Variants in GLIPR1L1 observed in about 807,000 individuals in gnomAD.
The protein encoded by GLIPR1L1 is GLIPR1-like protein 1.
In GLIPR1L1, 26 loss-of-function variants were observed where a neutral mutation model predicts 29.9. The ratio of observed to expected loss-of-function variants is 0.87; its 90% CI spans 0.64 to 1.21. The LOEUF (loss-of-function observed/expected upper bound fraction) is 1.21. Ranked by LOEUF, GLIPR1L1 falls within the 50% of genes most tolerant of loss-of-function variation. GLIPR1L1 has a pLI of 0.00. For missense variants in GLIPR1L1, 305 were observed against 290.3 expected (o/e 1.05, Z -0.37); for synonymous variants, 77 against 97.5 (o/e 0.79, Z 1.24).
chr12:75,356,793 T>G (rs1382534350), intron 3 of GLIPR1L1, among the ~76,000 whole-genome samples: 1 of 152,200 alleles, frequency 6.6e-6, no homozygotes, highest in Admixed American at 6.5e-5. Context: ...TTATGCTGCC[T>G]ATGAAAAACT....
chr12:75,363,076 C>T (rs2043717965), intron 3 of GLIPR1L1, 26 bp from the exon 4 acceptor site: 1 of 1,257,728 alleles, frequency 8.0e-7, no homozygotes. Context: ...AGCCATTTGG[C>T]TAATCAATGT....
At chr12:75,337,139 A>G (rs2041790452) in intron 1 of GLIPR1L1, among the ~76,000 whole-genome samples, 1 of 151,890 alleles carries the variant, frequency 6.6e-6, no homozygotes, top group Non-Finnish European at 1.5e-5. Flanking sequence ...ATTTAAATGA[A>G]TATTTTAGGA....
At chr12:75,341,951 T>C (rs111704039) in intron 1 of GLIPR1L1, among the ~76,000 whole-genome samples, 1,636 of 152,160 alleles carry the variant, frequency 0.011, 20 homozygotes, top group African/African-American at 0.032. Context: ...TTTCACCCTG[T>C]TGGCCAGGCT....
chr12:75,340,277 T>C (rs1332834724), intron 1 of GLIPR1L1, among the ~76,000 whole-genome samples: 1 of 151,848 alleles, frequency 6.6e-6, no homozygotes, highest in Non-Finnish European at 1.5e-5. Context: ...TGTGCTAGTG[T>C]CTTTTTCAAA....
At chr12:75,364,925 G>A (rs914443817) in intron 4 of GLIPR1L1, 6 of 151,962 alleles carry the variant, frequency 3.9e-5, no homozygotes, top group Non-Finnish European at 2.9e-5. Context: ...AATTCTACAG[G>A]AATCAGCAAA....
At chr12:75,356,369 C>T (rs2043158427) in intron 3 of GLIPR1L1, among the ~76,000 whole-genome samples, 1 of 152,006 alleles carries the variant, frequency 6.6e-6, no homozygotes, top group Non-Finnish European at 1.5e-5. Context: ...ATTTAATTCT[C>T]TTTCAAAGAT....
intron 2 of GLIPR1L1, among the ~76,000 whole-genome samples, chr12:75,346,991 C>T (rs1342949580): frequency 6.6e-6 from 1 of 150,964 alleles, no homozygotes; most frequent in Non-Finnish European, 1.5e-5. Context: ...TAGTAATGTT[C>T]CTCACCTCTT....
At chr12:75,368,963 G>A (rs1566017033) in intron 4 of GLIPR1L1, among the ~76,000 whole-genome samples, 1 of 151,842 alleles carries the variant, frequency 6.6e-6, no homozygotes, top group African/African-American at 2.4e-5. Flanking sequence ...TGTACTTCAT[G>A]TGTAGTTATG....
chr12:75,343,638 T>C, intron 1 of GLIPR1L1, 55 bp from the exon 2 acceptor site: 1 of 1,315,096 alleles, frequency 7.6e-7, no homozygotes, highest in Non-Finnish European at 1.0e-6. Flanking sequence ...ATAATTAGAA[T>C]AATTTAATGC....
intron 2 of GLIPR1L1, among the ~76,000 whole-genome samples, chr12:75,347,219 T>A (rs1402705054): frequency 6.6e-6 from 1 of 152,042 alleles, no homozygotes; most frequent in Non-Finnish European, 1.5e-5. Flanking sequence ...TTTGTAAAAT[T>A]TTTCTGAGAA....
At chr12:75,362,619 G>T (rs2043676782) in intron 3 of GLIPR1L1, among the ~76,000 whole-genome samples, 2 of 152,226 alleles carry the variant, frequency 1.3e-5, no homozygotes, top group East Asian at 3.9e-4. Flanking sequence ...ACAGATAGAA[G>T]ATAAAGAGGC....
At chr12:75,361,604 TG>T (rs1405630040) in intron 3 of GLIPR1L1, among the ~76,000 whole-genome samples, 8 of 152,176 alleles carry the variant, frequency 5.3e-5, no homozygotes, top group African/African-American at 1.9e-4. Flanking sequence ...TCCACGTGAC[TG>T]GGGAGGCCTC....
At chr12:75,336,476 T>C (rs935949326) in intron 1 of GLIPR1L1, among the ~76,000 whole-genome samples, 3 of 151,760 alleles carry the variant, frequency 2.0e-5, no homozygotes, top group Non-Finnish European at 4.4e-5. Context: ...AAAAAATACA[T>C]TATGCAAACT....
intron 1 of GLIPR1L1, 86 bp downstream of exon 1, chr12:75,334,988 T>G: frequency 7.7e-7 from 1 of 1,302,780 alleles, no homozygotes; most frequent in Middle Eastern, 2.6e-4. Flanking sequence ...TAACTTGTAC[T>G]AATTCAATCC....
intron 1 of GLIPR1L1, among the ~76,000 whole-genome samples, chr12:75,341,179 G>C (rs2042080239): frequency 6.6e-6 from 1 of 152,068 alleles, no homozygotes; most frequent in African/African-American, 2.4e-5. Flanking sequence ...GGATACTCCC[G>C]ATTCAATGCT....
chr12:75,345,949 T>C (rs1264235489), intron 2 of GLIPR1L1, among the ~76,000 whole-genome samples: 1 of 152,234 alleles, frequency 6.6e-6, no homozygotes, highest in Non-Finnish European at 1.5e-5. Context: ...GGAATGGTTA[T>C]ATTCTTATAA....
At position 75,370,227 on chromosome 12, in the gene GLIPR1L1, T is replaced by TAAGAG. The variant is rs1257845727; in HGVS notation, c.*51_*52insAAGAG. ...TCAAATGTTAAAATAAAGGAATAGT[T>TAAGAG]TATTGCTTAATATAACTTATCATCA... On this transcript the variant is annotated 3_prime_UTR_variant, in exon 6 of 6. Coordinates refer to ENST00000378695, the MANE Select transcript of GLIPR1L1 (RefSeq NM_001304964.2). 1.1e-6 allele frequency: 1 copy of TAAGAG among 939,376 alleles called. No individual in the cohort carries two copies. The highest frequency in any genetic ancestry group is 1.7e-6 in the Non-Finnish European group (1 of 584,414). The allele number at this position is 939,376 out of a possible 1,614,324, so 58.2% of individuals were successfully genotyped here.
intron 3 of GLIPR1L1, among the ~76,000 whole-genome samples, chr12:75,356,132 T>C: frequency 6.6e-6 from 1 of 151,918 alleles, no homozygotes; most frequent in East Asian, 1.9e-4. Context: ...CCCTGGAACT[T>C]AAAATAAAAA....
intron 2 of GLIPR1L1, among the ~76,000 whole-genome samples, chr12:75,346,635 C>T (rs1231869317): frequency 3.9e-5 from 6 of 152,078 alleles, no homozygotes; most frequent in East Asian, 1.9e-4. Flanking sequence ...GCAATCTGCC[C>T]GCCTCAGCCT....
Sources: gnomAD v4.1 joint callset for allele counts (sites outside exome capture counted in the v4.1 genomes callset) on GRCh38, gnomAD v4.1.1 for gene constraint, MANE v1.5 for transcripts, NCBI Gene and HGNC (gene_info 2026-07-23, HGNC 2026-07-21) for gene names.